ZNF704: variants seen among roughly 807,000 people sequenced by gnomAD.
ZNF704 encodes the protein zinc finger protein 704.
A neutral mutation model predicts 44.7 loss-of-function variants in ZNF704; 10 were observed. That is an observed-to-expected ratio of 0.22 (90% CI 0.14 to 0.38). The LOEUF (loss-of-function observed/expected upper bound fraction) is 0.38, where lower values mean the gene tolerates loss of function less well. ZNF704 is among the 10% of genes least tolerant of loss of function. The probability of loss-of-function intolerance (pLI) is 1.00; values close to 1 mark genes in which losing one functional copy is unlikely to be tolerated. For synonymous variants in ZNF704, 211 were observed against 207.6 expected (o/e 1.02, Z -0.14); for missense variants, 390 against 545.5 (o/e 0.71, Z 2.84).
At chr8:80,822,274 C>CA (rs1808287529) in intron 1 of ZNF704, among the ~76,000 whole-genome samples, 1 of 123,464 alleles carries the variant, frequency 8.1e-6, no homozygotes, top group Non-Finnish European at 1.5e-5. Context: ...TTCCCCCCCG[C>CA]CCCCAACCCA....
At chr8:80,692,949 G>A in intron 3 of ZNF704, 55 bp downstream of exon 3, 2 of 1,481,568 alleles carry the variant, frequency 1.3e-6, no homozygotes, top group Non-Finnish European at 1.9e-6. Context: ...CTCAAAGAAA[G>A]GCCCTGCTCT....
intron 2 of ZNF704, among the ~76,000 whole-genome samples, chr8:80,760,788 A>G (rs1807117301): frequency 6.6e-6 from 1 of 152,118 alleles, no homozygotes; most frequent in South Asian, 2.1e-4. Flanking sequence ...TGATGCTGGC[A>G]TCTGCTTGGT....
intron 4 of ZNF704, among the ~76,000 whole-genome samples, chr8:80,681,648 G>T (rs1420968954): frequency 6.6e-6 from 1 of 152,130 alleles, no homozygotes; most frequent in Non-Finnish European, 1.5e-5. Flanking sequence ...GATTTTAAAT[G>T]ATTTCTATAA....
At chr8:80,882,505 C>T in the ZNF704 span, among the ~76,000 whole-genome samples, 1 of 152,192 alleles carries the variant, frequency 6.6e-6, no homozygotes, top group Non-Finnish European at 1.5e-5. Flanking sequence ...ATTAAAAACC[C>T]TATTGCCATA....
At chr8:80,822,202 T>C (rs1018923511) in intron 1 of ZNF704, among the ~76,000 whole-genome samples, 2 of 152,180 alleles carry the variant, frequency 1.3e-5, no homozygotes, top group Non-Finnish European at 2.9e-5. Flanking sequence ...ACATGTGCCA[T>C]GTTGGTGTGC....
intron 2 of ZNF704, among the ~76,000 whole-genome samples, chr8:80,733,814 T>C (rs987359432): frequency 1.3e-5 from 2 of 152,226 alleles, no homozygotes; most frequent in Non-Finnish European, 2.9e-5. Flanking sequence ...TTCCCATGTC[T>C]CTGAGCAATT....
At chr8:80,704,179 TTC>T (rs1184325775) in intron 2 of ZNF704, among the ~76,000 whole-genome samples, 18 of 152,330 alleles carry the variant, frequency 1.2e-4, no homozygotes, top group African/African-American at 4.1e-4. Context: ...CTGAAAATAA[TTC>T]TGTGTGATTA....
intron 2 of ZNF704, among the ~76,000 whole-genome samples, chr8:80,767,014 G>A (rs1403354126): frequency 2.6e-5 from 4 of 151,934 alleles, no homozygotes; most frequent in South Asian, 4.2e-4. Flanking sequence ...AACCCGGCGC[G>A]TGACTCTTAG....
intron 1 of ZNF704, among the ~76,000 whole-genome samples, chr8:80,827,665 C>G (rs1341441247): frequency 6.6e-6 from 1 of 152,220 alleles, no homozygotes; most frequent in Non-Finnish European, 1.5e-5. Flanking sequence ...TACCTGACTT[C>G]AAACTATACT....
intron 7 of ZNF704, among the ~76,000 whole-genome samples, chr8:80,651,676 A>G (rs1410516073): frequency 6.6e-6 from 1 of 152,232 alleles, no homozygotes; most frequent in Non-Finnish European, 1.5e-5. Context: ...GCAAGTCCTT[A>G]GAGACCTACA....
At chr8:80,730,331 A>G (rs1806557803) in intron 2 of ZNF704, among the ~76,000 whole-genome samples, 1 of 152,014 alleles carries the variant, frequency 6.6e-6, no homozygotes, top group African/African-American at 2.4e-5. Flanking sequence ...TGAAGTCAGG[A>G]GTTTGAGACC....
At chr8:80,832,749 A>G (rs1808491249) in intron 1 of ZNF704, among the ~76,000 whole-genome samples, 1 of 152,230 alleles carries the variant, frequency 6.6e-6, no homozygotes, top group African/African-American at 2.4e-5. Flanking sequence ...TAGGAGGCTA[A>G]TAAGAGGACC....
chr8:80,836,747 C>A (rs921677838), intron 1 of ZNF704, among the ~76,000 whole-genome samples: 1 of 152,172 alleles, frequency 6.6e-6, no homozygotes, highest in Non-Finnish European at 1.5e-5. Flanking sequence ...TAAGATCACA[C>A]CACTGCACTC....
intron 2 of ZNF704, among the ~76,000 whole-genome samples, chr8:80,791,865 T>A (rs1417974357): frequency 6.6e-6 from 1 of 151,758 alleles, no homozygotes; most frequent in Non-Finnish European, 1.5e-5. Context: ...TGCAGAGAGG[T>A]TTGTAGGTGG....
intron 1 of ZNF704, among the ~76,000 whole-genome samples, chr8:80,844,017 G>A (rs995856281): frequency 6.6e-6 from 1 of 150,842 alleles, no homozygotes; most frequent in Non-Finnish European, 1.5e-5. Flanking sequence ...ATATGTGTGT[G>A]TCACTAAAAG....
intron 2 of ZNF704, among the ~76,000 whole-genome samples, chr8:80,816,055 T>C (rs2129859397): frequency 6.6e-6 from 1 of 152,340 alleles, no homozygotes; most frequent in East Asian, 1.9e-4. Context: ...TCACTGTCTG[T>C]TCTTACAACC....
intron 7 of ZNF704, among the ~76,000 whole-genome samples, chr8:80,645,507 T>C (rs1392124022): frequency 6.6e-6 from 1 of 151,968 alleles, no homozygotes; most frequent in Non-Finnish European, 1.5e-5. Context: ...TGGGGCCTGG[T>C]GGGAGGTGTG....
intron 7 of ZNF704, among the ~76,000 whole-genome samples, chr8:80,651,112 A>C (rs1003042642): frequency 1.3e-5 from 2 of 152,248 alleles, no homozygotes; most frequent in Non-Finnish European, 2.9e-5. Context: ...AGACAAGCAA[A>C]TGCTGAGAGA....
chr8:80,780,853 A>G (rs1354773094), intron 2 of ZNF704, among the ~76,000 whole-genome samples: 1 of 152,100 alleles, frequency 6.6e-6, no homozygotes, highest in Non-Finnish European at 1.5e-5. Flanking sequence ...GAAAGAACAA[A>G]CTTCTGTTGG....
Sources: allele counts gnomAD v4.1 joint callset (sites outside exome capture counted in the v4.1 genomes callset), GRCh38; gene constraint gnomAD v4.1.1; transcripts MANE v1.5; gene names NCBI Gene and HGNC (gene_info 2026-07-23, HGNC 2026-07-21).